MGAT4C: variants seen among roughly 807,000 people sequenced by gnomAD.
The protein encoded by MGAT4C is MGAT4 family member C.
Under a neutral mutation model 40.1 loss-of-function variants are expected in MGAT4C, and 19 were observed. The ratio of observed to expected loss-of-function variants is 0.47; its 90% CI spans 0.33 to 0.70. MGAT4C has a LOEUF of 0.70. Ranked by LOEUF, MGAT4C falls within the 30% of genes least tolerant of loss-of-function variation. The pLI, the probability that MGAT4C is intolerant of heterozygous loss-of-function variation, is 0.02. For missense variants in MGAT4C, 491 were observed against 563.2 expected (o/e 0.87, Z 1.30); for synonymous variants, 181 against 187.1 (o/e 0.97, Z 0.27).
At chr12:86,788,422 G>A (rs1565991179) in intron 1 of MGAT4C, among the ~76,000 whole-genome samples, 1 of 151,920 alleles carries the variant, frequency 6.6e-6, no homozygotes, top group East Asian at 1.9e-4. Flanking sequence ...GAAAAAAATG[G>A]AAGGAGCTGA....
intron 4 of MGAT4C, among the ~76,000 whole-genome samples, chr12:86,326,835 G>A (rs1013803312): frequency 1.3e-5 from 2 of 151,960 alleles, no homozygotes; most frequent in Admixed American, 6.6e-5. Context: ...ACTAAAAAAA[G>A]TCACTTTAAA....
chr12:86,397,415 T>G (rs1344515458), intron 3 of MGAT4C, among the ~76,000 whole-genome samples: 1 of 152,140 alleles, frequency 6.6e-6, no homozygotes, highest in East Asian at 1.9e-4. Flanking sequence ...CTTTACTGGT[T>G]TCTCTAGGTA....
At chr12:86,480,218 G>A (rs1299715947) in intron 2 of MGAT4C, among the ~76,000 whole-genome samples, 1 of 151,702 alleles carries the variant, frequency 6.6e-6, no homozygotes, top group African/African-American at 2.4e-5. Flanking sequence ...GAACATGTAA[G>A]TGTTCTTTCA....
intron 1 of MGAT4C, among the ~76,000 whole-genome samples, chr12:86,756,909 C>T (rs1484949893): frequency 6.6e-6 from 1 of 152,094 alleles, no homozygotes; most frequent in African/African-American, 2.4e-5. Flanking sequence ...CATTACTTTG[C>T]TTCAAATGTA....
intron 2 of MGAT4C, among the ~76,000 whole-genome samples, chr12:86,524,549 G>T (rs1481830911): frequency 6.6e-6 from 1 of 152,008 alleles, no homozygotes; most frequent in Non-Finnish European, 1.5e-5. Flanking sequence ...GTGTCTTAGG[G>T]TTAGTCTTCT....
chr12:86,205,561 A>C (rs1950218820), intron 1 of MGAT4C, among the ~76,000 whole-genome samples: 1 of 151,812 alleles, frequency 6.6e-6, no homozygotes, highest in Non-Finnish European at 1.5e-5. Context: ...AGATATTCAT[A>C]ATGCTAACAG....
Position 86,083,310 on chromosome 12 carries a change from C to G in MGAT4C, c.-56-33587G>C, listed in dbSNP as rs147494765. ...TGATCTCTCTGCCCCTGGACTCAACCTTCTCTCATTGATTCTCAGTACTGC... is the reference window on the plus strand; with the variant it reads ...TGATCTCTCTGCCCCTGGACTCAACGTTCTCTCATTGATTCTCAGTACTGC... On this transcript the variant is annotated intron_variant, in intron 1 of 4. Transcript: ENST00000611864. Among the ~76,000 whole-genome samples, 497 of 152,118 alleles carry G rather than the reference C, an allele frequency of 3.3e-3. 2 individuals carry two copies. Among genetic ancestry groups the G allele is most frequent in the African/African-American group, 0.011 (455 of 41,532 alleles).
intron 1 of MGAT4C, among the ~76,000 whole-genome samples, chr12:86,061,180 G>A (rs1893924148): frequency 1.3e-5 from 2 of 152,172 alleles, no homozygotes; most frequent in African/African-American, 2.4e-5. Context: ...TATTGGGCTG[G>A]TTGGACAGTG....
At chr12:86,499,911 T>C (rs1324560845) in intron 2 of MGAT4C, among the ~76,000 whole-genome samples, 3 of 151,964 alleles carry the variant, frequency 2.0e-5, no homozygotes, top group East Asian at 1.9e-4. Context: ...GACAAACATA[T>C]GGAAGGAAGT....
At chr12:86,079,132 G>A (rs1462782878) in intron 1 of MGAT4C, among the ~76,000 whole-genome samples, 1 of 152,176 alleles carries the variant, frequency 6.6e-6, no homozygotes. Context: ...TAATGTTGGT[G>A]TAGTGGTGGC....
At chr12:86,545,793 C>A (rs1959190043) in intron 2 of MGAT4C, among the ~76,000 whole-genome samples, 1 of 151,326 alleles carries the variant, frequency 6.6e-6, no homozygotes, top group Non-Finnish European at 1.5e-5. Context: ...AAAACAAAAA[C>A]TGAAATTAAC....
intron 1 of MGAT4C, among the ~76,000 whole-genome samples, chr12:86,089,008 G>C (rs1462177250): frequency 1.3e-5 from 2 of 151,854 alleles, no homozygotes; most frequent in Non-Finnish European, 2.9e-5. Flanking sequence ...GTTTGCTGAT[G>C]GTTTCTGATG....
intron 4 of MGAT4C, among the ~76,000 whole-genome samples, chr12:85,982,172 TTTTTTG>T (rs1382064711): frequency 3.3e-5 from 5 of 152,104 alleles, no homozygotes; most frequent in African/African-American, 9.7e-5. Context: ...GATTCATGGT[TTTTTTG>T]TTTTTGTTTT....
In MGAT4C at chr12:86,746,339, A is replaced by G. The variant is rs944425207; in HGVS notation, c.-261-19098T>C. The stretch of plus-strand genomic sequence containing the variant: ...TTAAATGCCTCTGAAGACAGTTCAA[A>G]TGTACTGATTTATCCTCCAAAGCTT... On this transcript the variant is annotated intron_variant, in intron 1 of 7. Coordinates refer to the MGAT4C transcript ENST00000548651. 2.0e-5 allele frequency among the ~76,000 whole-genome samples: 3 copies of G among 151,728 alleles called. No homozygotes were observed. In the East Asian group the frequency reaches 5.8e-4, roughly 30 times the overall value.
At chr12:86,676,567 GA>G (rs1964405474) in intron 2 of MGAT4C, among the ~76,000 whole-genome samples, 2 of 152,082 alleles carry the variant, frequency 1.3e-5, no homozygotes, top group South Asian at 4.1e-4. Flanking sequence ...ATCTTGTTTG[GA>G]GATGAACAGT....
chr12:86,402,074 C>A (rs1956374135), intron 3 of MGAT4C, among the ~76,000 whole-genome samples: 1 of 151,782 alleles, frequency 6.6e-6, no homozygotes, highest in Non-Finnish European at 1.5e-5. Flanking sequence ...GTGGAAAAAT[C>A]TTTGCCCTTT....
intron 3 of MGAT4C, among the ~76,000 whole-genome samples, chr12:86,385,900 T>A (rs1292916609): frequency 6.6e-6 from 1 of 152,168 alleles, no homozygotes; most frequent in Admixed American, 6.5e-5. Flanking sequence ...TTACCATTAT[T>A]CTTATTCATC....
At chr12:86,347,995 T>C (rs1955076939) in intron 3 of MGAT4C, among the ~76,000 whole-genome samples, 1 of 152,164 alleles carries the variant, frequency 6.6e-6, no homozygotes, top group Non-Finnish European at 1.5e-5. Flanking sequence ...AATAAACATT[T>C]CCATTATTTG....
At chr12:86,447,881 C>A (rs1957366063) in intron 2 of MGAT4C, among the ~76,000 whole-genome samples, 1 of 152,140 alleles carries the variant, frequency 6.6e-6, no homozygotes, top group African/African-American at 2.4e-5. Context: ...TTCCCTCTTA[C>A]CACTTCCAGG....
Sources: gnomAD v4.1 joint callset for allele counts (sites outside exome capture counted in the v4.1 genomes callset) on GRCh38, gnomAD v4.1.1 for gene constraint, MANE v1.5 for transcripts, NCBI Gene and HGNC (gene_info 2026-07-23, HGNC 2026-07-21) for gene names.